Variants in RAD51B observed in about 807,000 individuals in gnomAD.
RAD51B encodes DNA repair protein RAD51 homolog 2.
RAD51B carries 38 observed loss-of-function variants against 42.2 expected under a neutral mutation model. The ratio of observed to expected loss-of-function variants is 0.90; its 90% CI spans 0.70 to 1.18. RAD51B has a LOEUF of 1.18. Ranked by LOEUF, RAD51B falls within the 50% of genes most tolerant of loss-of-function variation. The pLI, the probability that RAD51B is intolerant of heterozygous loss-of-function variation, is 0.00. For synonymous variants in RAD51B, 154 were observed against 145.2 expected (o/e 1.06, Z -0.43); for missense variants, 373 against 400.7 (o/e 0.93, Z 0.59).
intron 10 of RAD51B, among the ~76,000 whole-genome samples, chr14:68,585,869 G>A (rs550399667): frequency 2.0e-4 from 30 of 152,218 alleles, no homozygotes; most frequent in African/African-American, 7.0e-4. Flanking sequence ...TGGTGGGGAG[G>A]CAAGGAGAGC....
chr14:68,349,565 C>T (rs2082741787), intron 8 of RAD51B, among the ~76,000 whole-genome samples: 1 of 152,126 alleles, frequency 6.6e-6, no homozygotes. Context: ...GGGTTTTCAC[C>T]ATGTTGGCCA....
chr14:68,382,616 T>A (rs758077993), intron 8 of RAD51B, among the ~76,000 whole-genome samples: 3 of 152,220 alleles, frequency 2.0e-5, no homozygotes, highest in Admixed American at 2.0e-4. Flanking sequence ...TTAATACTCT[T>A]AAAAATCCTA....
intron 7 of RAD51B, chr14:67,908,335 C>T (rs1429786445): frequency 6.6e-6 from 1 of 151,864 alleles, no homozygotes; most frequent in Non-Finnish European, 1.5e-5. Flanking sequence ...CTAGGGCTGA[C>T]CTTAAGGGAA....
chr14:68,211,020 G>T (rs1377424759), intron 7 of RAD51B, among the ~76,000 whole-genome samples: 3 of 152,174 alleles, frequency 2.0e-5, no homozygotes, highest in Non-Finnish European at 4.4e-5. Context: ...TTTTCAGGTT[G>T]TCAAGCTTCA....
intron 8 of RAD51B, among the ~76,000 whole-genome samples, chr14:68,314,183 A>C (rs2082014049): frequency 6.6e-6 from 1 of 152,186 alleles, no homozygotes; most frequent in South Asian, 2.1e-4. Flanking sequence ...CAAGTTCGCT[A>C]TCATCGCCCT....
intron 7 of RAD51B, among the ~76,000 whole-genome samples, chr14:67,995,402 A>AACAACAACAACAACAACAAC (rs1331970853): frequency 6.6e-6 from 1 of 151,936 alleles, no homozygotes; most frequent in Non-Finnish European, 1.5e-5. Flanking sequence ...CAACAACAAC[A>AACAACAACAACAACAACAAC]ACAACAACAA....
intron 7 of RAD51B, among the ~76,000 whole-genome samples, chr14:68,033,114 G>A (rs890060035): frequency 2.6e-5 from 4 of 152,056 alleles, no homozygotes; most frequent in African/African-American, 7.2e-5. Flanking sequence ...ATTCCAGAAG[G>A]CAGGAGCCAT....
At chr14:68,369,137 G>A (rs2083201674) in intron 8 of RAD51B, among the ~76,000 whole-genome samples, 1 of 152,170 alleles carries the variant, frequency 6.6e-6, no homozygotes, top group South Asian at 2.1e-4. Flanking sequence ...GATGTGACAT[G>A]GTTCCATATT....
At chr14:68,125,348 G>T (rs1309324973) in intron 7 of RAD51B, 3 of 152,192 alleles carry the variant, frequency 2.0e-5, no homozygotes, top group African/African-American at 7.2e-5. Context: ...CAGATGACTG[G>T]ACTCTGCTGG....
At position 68,318,225 on chromosome 14, in the gene RAD51B, G is replaced by A. The variant is rs1344890111; in HGVS notation, c.853+26245G>A. 3.3e-5 allele frequency among the ~76,000 whole-genome samples: 5 copies of A among 152,160 alleles called. No homozygotes were observed. In the East Asian group the frequency reaches 5.8e-4, roughly 18 times the overall value. On this transcript the variant is annotated intron_variant, in intron 8 of 10. Coordinates refer to ENST00000471583, the MANE Select transcript of RAD51B (RefSeq NM_133510.4). ...GTAAGCTAGAGTGAATTCTATTTTTGTCCAGTTCAACCTGGCCATAGGCTG... is the reference window on the plus strand; with the variant it reads ...GTAAGCTAGAGTGAATTCTATTTTTATCCAGTTCAACCTGGCCATAGGCTG...
intron 4 of RAD51B, among the ~76,000 whole-genome samples, chr14:67,836,453 T>G (rs1162349696): frequency 6.6e-6 from 1 of 151,882 alleles, no homozygotes; most frequent in Non-Finnish European, 1.5e-5. Context: ...AGTCATTAAG[T>G]CAAGCCTACA....
At chr14:67,847,098 G>A (rs2041642134) in intron 4 of RAD51B, among the ~76,000 whole-genome samples, 1 of 152,102 alleles carries the variant, frequency 6.6e-6, no homozygotes, top group African/African-American at 2.4e-5. Context: ...ATAGCCCAAT[G>A]CAGGGTTCCC....
intron 7 of RAD51B, among the ~76,000 whole-genome samples, chr14:67,983,382 A>C (rs1359052245): frequency 6.6e-6 from 1 of 152,206 alleles, no homozygotes; most frequent in Non-Finnish European, 1.5e-5. Flanking sequence ...TGCTATTGAC[A>C]TAAGAAGGCC....
At chr14:68,410,378 G>T (rs974737100) in intron 8 of RAD51B, among the ~76,000 whole-genome samples, 1 of 152,222 alleles carries the variant, frequency 6.6e-6, no homozygotes, top group Non-Finnish European at 1.5e-5. Context: ...GACAACGGAT[G>T]ACACATTCAA....
At chr14:68,595,819 A>G (rs758855012) in exon 11 of RAD51B, 96 of 306,504 alleles carry the variant, frequency 3.1e-4, no homozygotes, top group Non-Finnish European at 4.7e-4. Context: ...AGCAATATGC[A>G]TACAATGTAG....
chr14:68,456,869 A>ATTTT (rs71129889), intron 9 of RAD51B, among the ~76,000 whole-genome samples: 2 of 66,456 alleles, frequency 3.0e-5, no homozygotes, highest in African/African-American at 5.1e-5. Flanking sequence ...CAATGGAATG[A>ATTTT]TTTTTTTTTT....
chr14:68,267,598 C>A (rs944657537), intron 7 of RAD51B, among the ~76,000 whole-genome samples: 2 of 152,104 alleles, frequency 1.3e-5, no homozygotes, highest in South Asian at 4.2e-4. Context: ...AGGGATTATG[C>A]CAGAACTCCC....
chr14:68,509,440 G>A (rs866105203), intron 10 of RAD51B, among the ~76,000 whole-genome samples: 2 of 152,352 alleles, frequency 1.3e-5, no homozygotes, highest in Middle Eastern at 3.4e-3. Context: ...TGTTTCATCT[G>A]TGAAATGGGA....
intron 7 of RAD51B, among the ~76,000 whole-genome samples, chr14:67,942,535 T>A (rs919925122): frequency 5.9e-5 from 9 of 152,170 alleles, no homozygotes; most frequent in African/African-American, 2.2e-4. Context: ...ACCAAATTGT[T>A]TTTGCTGATC....
Sources: allele counts gnomAD v4.1 joint callset (sites outside exome capture counted in the v4.1 genomes callset), GRCh38; gene constraint gnomAD v4.1.1; transcripts MANE v1.5; gene names NCBI Gene and HGNC (gene_info 2026-07-23, HGNC 2026-07-21).